CDH26: variants seen among roughly 807,000 people sequenced by gnomAD.
CDH26 encodes the protein cadherin-like protein 26.
In CDH26, 83 loss-of-function variants were observed where a neutral mutation model predicts 90.3. That is an observed-to-expected ratio of 0.92 (90% CI 0.77 to 1.10). CDH26 has a LOEUF of 1.10. Ranked by LOEUF, CDH26 falls within the 50% of genes least tolerant of loss-of-function variation. CDH26 has a pLI of 0.00. For missense variants in CDH26, 1,013 were observed against 1,037.6 expected (o/e 0.98, Z 0.33); for synonymous variants, 397 against 396.3 (o/e 1.00, Z -0.02).
chr20:60,032,959 T>G (rs1293160053), intron 8 of CDH26, among the ~76,000 whole-genome samples: 3 of 151,870 alleles, frequency 2.0e-5, no homozygotes, highest in Admixed American at 2.0e-4. Context: ...GTAACTAACC[T>G]GCACAATGTG....
Position 60,025,492 on chromosome 20 carries a change from A to G in CDH26, c.948-5739A>G, listed in dbSNP as rs1777569176. 3.3e-5 allele frequency among the ~76,000 whole-genome samples: 5 copies of G among 152,016 alleles called. No homozygotes were observed. In the South Asian group the frequency reaches 1.0e-3, roughly 32 times the overall value. On this transcript the variant is annotated intron_variant, in intron 7 of 8. Transcript: ENST00000370991. ...CTCACAATGTCACAGTGTCCTTTTGAGCTTGGATTTGATTTTTGGAAACTG... is the reference window on the plus strand; with the variant it reads ...CTCACAATGTCACAGTGTCCTTTTGGGCTTGGATTTGATTTTTGGAAACTG...
At chr20:59,996,134 T>C in intron 12 of CDH26, 80 bp downstream of exon 12, 3 of 1,404,986 alleles carry the variant, frequency 2.1e-6, no homozygotes, top group Non-Finnish European at 2.9e-6. Context: ...CTTGCTGGGG[T>C]AGGGGACAGC....
At chr20:60,016,859 A>T (rs1569066224), downstream of CDH26, among the ~76,000 whole-genome samples, 1 of 152,100 alleles carries the variant, frequency 6.6e-6, no homozygotes, top group Non-Finnish European at 1.5e-5. Context: ...CTTTTTCTGC[A>T]TCCGTTGAGA....
At chr20:60,020,868 G>T (rs1358377449) in intron 7 of CDH26, among the ~76,000 whole-genome samples, 1 of 152,202 alleles carries the variant, frequency 6.6e-6, no homozygotes, top group Non-Finnish European at 1.5e-5. Context: ...TGTAAGGACT[G>T]TAGGTGTTTG....
intron 1 of CDH26, among the ~76,000 whole-genome samples, chr20:59,966,703 T>G (rs922511799): frequency 6.6e-6 from 1 of 152,206 alleles, no homozygotes; most frequent in Non-Finnish European, 1.5e-5. Context: ...AGTGTTCTTA[T>G]GAAAGAGTTT....
At chr20:59,970,230 AG>A (rs775218677) in intron 3 of CDH26, 44 bp downstream of exon 3, 1 of 1,602,956 alleles carries the variant, frequency 6.2e-7, no homozygotes, top group Non-Finnish European at 8.5e-7. Context: ...ATGCCCTCTA[AG>A]TAAGCACGCC....
intron 8 of CDH26, among the ~76,000 whole-genome samples, chr20:60,031,975 T>C (rs1447149423): frequency 1.4e-4 from 21 of 152,208 alleles, no homozygotes; most frequent in Admixed American, 1.4e-3. Flanking sequence ...GTTATTAATA[T>C]GAAATGACAC....
At chr20:59,997,674 A>G (rs1569049622) in intron 13 of CDH26, among the ~76,000 whole-genome samples, 1 of 152,246 alleles carries the variant, frequency 6.6e-6, no homozygotes, top group Non-Finnish European at 1.5e-5. Flanking sequence ...TAGAAAATGA[A>G]CACAAAAGAA....
intron 1 of CDH26, among the ~76,000 whole-genome samples, chr20:59,960,644 A>G (rs551289386): frequency 1.3e-5 from 2 of 152,356 alleles, no homozygotes; most frequent in African/African-American, 4.8e-5. Flanking sequence ...CTTTGTAGCC[A>G]AAGATAATTA....
rs142348241 is a variant in CDH26 at position 60,030,896 on chromosome 20, C to T, written c.948-335C>T. On this transcript the variant is annotated intron_variant, in intron 7 of 8. Transcript: ENST00000370991. The surrounding 1 kb of genome is among the most constrained non-coding windows in gnomAD (Gnocchi z 4.0). ...TGATTCAAGTTTTTGGAAACCAGCC[C>T]GGAGTGAAAACATTTCCTTCAAAAG... Among the ~76,000 whole-genome samples, 1,028 of 152,240 alleles carry T rather than the reference C, an allele frequency of 6.8e-3. 8 individuals are homozygous for T. The highest frequency in any genetic ancestry group is 0.01 in the Admixed American group (156 of 15,286).
At chr20:59,968,025 GTC>G (rs777837348) in intron 1 of CDH26, among the ~76,000 whole-genome samples, 760 of 56,960 alleles carry the variant, frequency 0.013, 8 homozygotes, top group African/African-American at 0.026. Context: ...CTTTCTCTCT[GTC>G]TCTCTCTCTC....
At chr20:60,034,915 G>T (rs1225712838), downstream of CDH26, among the ~76,000 whole-genome samples, 1 of 152,226 alleles carries the variant, frequency 6.6e-6, no homozygotes, top group Non-Finnish European at 1.5e-5. Flanking sequence ...CAGGACCAAA[G>T]CTCCAACAGC....
intron 13 of CDH26, among the ~76,000 whole-genome samples, chr20:59,997,915 T>C (rs550069625): frequency 4.7e-4 from 72 of 152,332 alleles, no homozygotes; most frequent in African/African-American, 1.5e-3. Flanking sequence ...TTGTCTTCCC[T>C]GCGGCATGAA....
chr20:59,977,716 G>A (rs1209061372), intron 4 of CDH26, among the ~76,000 whole-genome samples: 1 of 143,926 alleles, frequency 6.9e-6, no homozygotes, highest in Non-Finnish European at 1.5e-5. Flanking sequence ...TTGCAGTAGT[G>A]TGTGCATTTG....
chr20:60,016,434 A>C (rs2061906072), downstream of CDH26, among the ~76,000 whole-genome samples: 4 of 152,232 alleles, frequency 2.6e-5, no homozygotes, highest in South Asian at 4.1e-4. Flanking sequence ...CATGTATAGA[A>C]ATGCTACTGA....
intron 8 of CDH26, among the ~76,000 whole-genome samples, chr20:60,033,200 G>A (rs1228634658): frequency 6.6e-6 from 1 of 152,132 alleles, no homozygotes. Flanking sequence ...TGCTTTGTCG[G>A]TAAAATGGGG....
intron 1 of CDH26, among the ~76,000 whole-genome samples, chr20:59,965,985 G>T (rs2061143466): frequency 6.6e-6 from 1 of 151,998 alleles, no homozygotes; most frequent in Admixed American, 6.6e-5. Context: ...AGAAACTATT[G>T]CTATTATAGT....
At chr20:59,996,416 G>A (rs1363740032) in intron 12 of CDH26, 4 of 1,544,792 alleles carry the variant, frequency 2.6e-6, no homozygotes, top group Non-Finnish European at 2.6e-6. Context: ...AATATTACTG[G>A]CCAGATAGTA....
intron 7 of CDH26, among the ~76,000 whole-genome samples, chr20:60,027,166 A>G (rs1393275541): frequency 6.6e-6 from 1 of 152,108 alleles, no homozygotes; most frequent in African/African-American, 2.4e-5. Context: ...ATGTGATCAC[A>G]AGACTCTGAT....
Sources: gnomAD v4.1 joint callset for allele counts (sites outside exome capture counted in the v4.1 genomes callset) on GRCh38, gnomAD v4.1.1 for gene constraint, Gnocchi (gnomAD v3.1) non-coding constraint, MANE v1.5 for transcripts, NCBI Gene and HGNC (gene_info 2026-07-23, HGNC 2026-07-21) for gene names.